The following PAK1 variants were observed in gnomAD, a reference collection of about 807,000 sequenced individuals.
PAK1 encodes the protein serine/threonine-protein kinase PAK 1.
In PAK1, 29 loss-of-function variants were observed where a neutral mutation model predicts 67.4. The ratio of observed to expected loss-of-function variants is 0.43; its 90% CI spans 0.32 to 0.59. PAK1 has a LOEUF of 0.59. Among genes scored for constraint, PAK1 ranks in the 20% least tolerant of loss-of-function variants. The probability of loss-of-function intolerance (pLI) is 0.07; values close to 1 mark genes in which losing one functional copy is unlikely to be tolerated. For missense variants in PAK1, 337 were observed against 670.7 expected, an observed-to-expected ratio of 0.50 and a Z score of 5.50; for synonymous variants, 223 against 237.4, an observed-to-expected ratio of 0.94 and a Z score of 0.56.
chr11:77,467,823 A>G (rs750130109), intron 1 of PAK1, among the ~76,000 whole-genome samples: 7 of 152,226 alleles, frequency 4.6e-5, no homozygotes, highest in African/African-American at 9.6e-5. Context: ...AGAGATTTAA[A>G]TAAGTGTCCA....
At chr11:77,376,231 A>C (rs1949069443) in intron 4 of PAK1, among the ~76,000 whole-genome samples, 1 of 152,172 alleles carries the variant, frequency 6.6e-6, no homozygotes, top group South Asian at 2.1e-4. Context: ...AAGGTGATGA[A>C]CTTCTATATA....
intron 1 of PAK1, among the ~76,000 whole-genome samples, chr11:77,400,088 G>C (rs1395626308): frequency 6.6e-6 from 1 of 152,056 alleles, no homozygotes; most frequent in East Asian, 1.9e-4. Flanking sequence ...TCTACCCCTA[G>C]AGTCGCTGAT....
intron 10 of PAK1, 91 bp downstream of exon 10, chr11:77,343,728 C>T (rs539294133): frequency 2.6e-6 from 2 of 782,372 alleles, no homozygotes; most frequent in African/African-American, 3.4e-5. Flanking sequence ...GGAGGCAGTT[C>T]TGAGGGCTGG....
intron 12 of PAK1, among the ~76,000 whole-genome samples, chr11:77,336,606 A>C (rs1187539804): frequency 6.6e-6 from 1 of 152,190 alleles, no homozygotes; most frequent in East Asian, 1.9e-4. Context: ...TGTTCTTGAA[A>C]AACCATTCCC....
rs114940353 is a variant in PAK1 at position 77,414,338 on chromosome 11, G to A, written c.-21-21797C>T. On this transcript the variant is annotated intron_variant, in intron 1 of 14. Transcript: ENST00000356341. ...GGTGATGATTTTATGGTTTAGTATGGTGGCTTTTAATTCTCCCTGTCCACC... is the reference window on the plus strand; with the variant it reads ...GGTGATGATTTTATGGTTTAGTATGATGGCTTTTAATTCTCCCTGTCCACC... 3.7e-3 allele frequency among the ~76,000 whole-genome samples: 569 copies of A among 152,322 alleles called. 6 individuals are homozygous for A. The highest frequency in any genetic ancestry group is 0.013 in the African/African-American group (531 of 41,578).
In PAK1 at chr11:77,451,888, C is replaced by T. The variant is rs7128300; in HGVS notation, c.-22+21664G>A. On this transcript the variant is annotated intron_variant, in intron 1 of 14. Transcript: ENST00000356341. Reference sequence around the variant, plus strand: ...TGCTGGGATTACAGGCGTGAGCCACCACGCCCGACCTCTCTCGTTAATGTC... The same window carrying T: ...TGCTGGGATTACAGGCGTGAGCCACTACGCCCGACCTCTCTCGTTAATGTC... Among the ~76,000 whole-genome samples the T allele has an allele frequency of 4.1e-3, 589 of 142,850 alleles. 31 individuals carry two copies. The highest frequency in any genetic ancestry group is 0.015 in the African/African-American group (549 of 35,684). 93.7% of individuals were successfully genotyped at this position (142,850 alleles called of 152,430 possible).
chr11:77,480,410 T>C, the PAK1 span, among the ~76,000 whole-genome samples: 1 of 152,182 alleles, frequency 6.6e-6, no homozygotes, highest in Non-Finnish European at 1.5e-5. Flanking sequence ...TTTTCTGTAT[T>C]TTATTATTTT....
rs530715450 is a variant in PAK1, at chr11:77,443,124, A to C, written c.-22+30428T>G. Among the ~76,000 whole-genome samples the C allele has an allele frequency of 5.3e-5, 8 of 152,202 alleles. No homozygotes were observed. In the South Asian group the frequency reaches 1.7e-3, roughly 32 times the overall value. ...TGGATCACGAGGTCAGGAGATCAAG[A>C]CCATCATGGCCAACATGGTAAAACC... On this transcript the variant is annotated intron_variant, in intron 1 of 14. Coordinates refer to ENST00000356341, the MANE Select transcript of PAK1 (RefSeq NM_002576.5).
At chr11:77,327,709 G>C (rs1480320833) in intron 14 of PAK1, among the ~76,000 whole-genome samples, 3 of 152,330 alleles carry the variant, frequency 2.0e-5, no homozygotes, top group Non-Finnish European at 4.4e-5. Context: ...ATCAAGGCTA[G>C]GAAGAAACTG....
At chr11:77,391,354 A>T (rs1951116924) in intron 2 of PAK1, among the ~76,000 whole-genome samples, 1 of 152,248 alleles carries the variant, frequency 6.6e-6, no homozygotes. Flanking sequence ...CTTTGTATGT[A>T]GTCTTCACAA....
chr11:77,442,717 T>G (rs908231211), intron 1 of PAK1, among the ~76,000 whole-genome samples: 3 of 152,204 alleles, frequency 2.0e-5, no homozygotes, highest in African/African-American at 7.2e-5. Flanking sequence ...CTGCTAGTTT[T>G]GCAGGTAATT....
chr11:77,498,882 G>T, the PAK1 span, among the ~76,000 whole-genome samples: 1 of 151,746 alleles, frequency 6.6e-6, no homozygotes, highest in Admixed American at 6.6e-5. Flanking sequence ...TGTATTTTTA[G>T]TGGAGACTGG....
intron 1 of PAK1, among the ~76,000 whole-genome samples, chr11:77,424,198 G>T (rs1445535534): frequency 6.6e-6 from 1 of 152,200 alleles, no homozygotes; most frequent in African/African-American, 2.4e-5. Flanking sequence ...TGCCACTTCA[G>T]TGCCAGGAAC....
At chr11:77,490,359 G>A in the PAK1 span, among the ~76,000 whole-genome samples, 23 of 139,258 alleles carry the variant, frequency 1.7e-4, no homozygotes, top group South Asian at 7.5e-4. Context: ...CCGGCCAGCC[G>A]CCCCGTCCGG....
intron 7 of PAK1, among the ~76,000 whole-genome samples, chr11:77,353,980 G>A (rs1945647230): frequency 1.3e-5 from 2 of 152,052 alleles, no homozygotes; most frequent in African/African-American, 2.4e-5. Context: ...AGATAAGTAA[G>A]CATAAAGTTC....
intron 14 of PAK1, among the ~76,000 whole-genome samples, chr11:77,327,466 T>A (rs1423626627): frequency 2.6e-5 from 4 of 151,960 alleles, no homozygotes; most frequent in Admixed American, 2.6e-4. Flanking sequence ...CAGAAGAGAG[T>A]GGGGGCCAAT....
intron 2 of PAK1, among the ~76,000 whole-genome samples, chr11:77,381,161 GTGTGTGTGTGTGTGT>G (rs1022293954): frequency 7.2e-6 from 1 of 139,272 alleles, no homozygotes; most frequent in African/African-American, 2.8e-5. Context: ...GTGTGTGTGT[GTGTGTGTGTGTGTGT>G]AGAGAGAGAG....
intron 8 of PAK1, among the ~76,000 whole-genome samples, chr11:77,351,434 T>G (rs1394388057): frequency 1.3e-5 from 2 of 152,156 alleles, no homozygotes; most frequent in Non-Finnish European, 2.9e-5. Context: ...TGCTTGTCCA[T>G]GTACATTTCT....
intron 2 of PAK1, among the ~76,000 whole-genome samples, chr11:77,380,738 G>A (rs1416438587): frequency 6.6e-6 from 1 of 152,100 alleles, no homozygotes; most frequent in Non-Finnish European, 1.5e-5. Flanking sequence ...TAAGTGCAGA[G>A]GCCATGTCAA....
Sources: allele counts gnomAD v4.1 joint callset (sites outside exome capture counted in the v4.1 genomes callset), GRCh38; gene constraint gnomAD v4.1.1; transcripts MANE v1.5; gene names NCBI Gene and HGNC (gene_info 2026-07-23, HGNC 2026-07-21).